CSMD1: variants seen among roughly 807,000 people sequenced by gnomAD.
The protein encoded by CSMD1 is CUB and sushi domain-containing protein 1.
Under a neutral mutation model 417.5 loss-of-function variants are expected in CSMD1, and 213 were observed. That is an observed-to-expected ratio of 0.51 (90% CI 0.46 to 0.57). The LOEUF is 0.57. CSMD1 is among the 20% of genes least tolerant of loss of function. The pLI, the probability that CSMD1 is intolerant of heterozygous loss-of-function variation, is 0.00. For synonymous variants in CSMD1, 2,862 were observed against 1,736.8 expected (o/e 1.65, Z -16.11); for missense variants, 6,923 against 4,529.7 (o/e 1.53, Z -15.17).
intron 23 of CSMD1, among the ~76,000 whole-genome samples, chr8:3,316,742 C>G (rs545840932): frequency 1.4e-4 from 21 of 152,090 alleles, no homozygotes; most frequent in Non-Finnish European, 1.0e-4. Context: ...ACGGGAAAGA[C>G]TGGAAAGGAC....
chr8:3,018,667 T>C lies in CSMD1; in HGVS notation c.7856-17A>G. ...ACGAGATAACTAGAAGGAAAAACAA[T>C]AAAATGAACATCAATTCAGTTATGC... On this transcript the variant is annotated splice_polypyrimidine_tract_variant and intron_variant, in intron 51 of 69. Coordinates refer to ENST00000635120, the MANE Select transcript of CSMD1 (RefSeq NM_033225.6). 2 of 1,602,922 alleles carry C rather than the reference T, an allele frequency of 1.2e-6. No homozygotes were observed. Among genetic ancestry groups the C allele is most frequent in the Non-Finnish European group, 1.7e-6 (2 of 1,173,066 alleles).
chr8:4,572,056 T>C (rs1370874828), intron 2 of CSMD1, among the ~76,000 whole-genome samples: 1 of 152,266 alleles, frequency 6.6e-6, no homozygotes, highest in Non-Finnish European at 1.5e-5. Context: ...CCGATGGGTC[T>C]TGACTCTTTA....
intron 3 of CSMD1, among the ~76,000 whole-genome samples, chr8:4,323,089 G>T (rs1288328854): frequency 6.6e-6 from 1 of 152,056 alleles, no homozygotes; most frequent in African/African-American, 2.4e-5. Flanking sequence ...CGAAGGAATG[G>T]AAAAATCATA....
intron 12 of CSMD1, among the ~76,000 whole-genome samples, chr8:3,429,677 A>C (rs1814091606): frequency 6.6e-6 from 1 of 152,226 alleles, no homozygotes; most frequent in Admixed American, 6.5e-5. Flanking sequence ...GAATATCTGC[A>C]TTTCTTGTGC....
chr8:3,938,806 A>C (rs770471734), intron 5 of CSMD1, among the ~76,000 whole-genome samples: 5 of 152,206 alleles, frequency 3.3e-5, no homozygotes, highest in Non-Finnish European at 7.3e-5. Flanking sequence ...CATTTTCTTC[A>C]GTAAAATATT....
chr8:3,908,655 T>C (rs1033592760), intron 5 of CSMD1, among the ~76,000 whole-genome samples: 1 of 152,202 alleles, frequency 6.6e-6, no homozygotes, highest in African/African-American at 2.4e-5. Flanking sequence ...GTAATTGCTC[T>C]GCAGGGCCTA....
At chr8:4,557,267 T>C (rs2130594413) in intron 2 of CSMD1, among the ~76,000 whole-genome samples, 1 of 152,298 alleles carries the variant, frequency 6.6e-6, no homozygotes, top group South Asian at 2.1e-4. Flanking sequence ...TCTTACAAGC[T>C]AAAGGCATCA....
chr8:3,678,515 C>T (rs1221699979), intron 7 of CSMD1, among the ~76,000 whole-genome samples: 1 of 152,102 alleles, frequency 6.6e-6, no homozygotes, highest in Non-Finnish European at 1.5e-5. Context: ...TGAACAAAGC[C>T]TCCAAGAAAT....
intron 1 of CSMD1, among the ~76,000 whole-genome samples, chr8:4,712,955 T>G (rs974191089): frequency 6.6e-6 from 1 of 152,130 alleles, no homozygotes; most frequent in African/African-American, 2.4e-5. Flanking sequence ...AAAGGAAAAT[T>G]TTCTATAAAG....
intron 10 of CSMD1, among the ~76,000 whole-genome samples, chr8:3,518,036 C>T (rs779800408): frequency 2.0e-5 from 3 of 151,914 alleles, no homozygotes; most frequent in Non-Finnish European, 4.4e-5. Context: ...TTATCTCCCT[C>T]AAGAAGATTT....
rs1271463491 is a variant in CSMD1 at position 3,060,774 on chromosome 8, T to C, written c.7475-8127A>G. 1.6e-4 allele frequency among the ~76,000 whole-genome samples: 24 copies of C among 152,164 alleles called. 1 individual carries two copies. Among genetic ancestry groups the C allele is most frequent in the Admixed American group, 1.6e-3 (24 of 15,276 alleles). On this transcript the variant is annotated intron_variant, in intron 49 of 69. Transcript: ENST00000635120. ...AAGAGGTGGGGCATTTAAAAGGTGA[T>C]CAGGTCATGAGAGCTCTTTCTTTGT...
intron 12 of CSMD1, among the ~76,000 whole-genome samples, chr8:3,448,426 A>AGGAAGGAAGGGAG: frequency 1.0e-5 from 1 of 96,134 alleles, no homozygotes; most frequent in East Asian, 4.1e-4. Context: ...AAGGGAAGGA[A>AGGAAGGAAGGGAG]GAAGGAGCAA....
intron 7 of CSMD1, among the ~76,000 whole-genome samples, chr8:3,695,535 T>A (rs970832962): frequency 7.2e-5 from 11 of 152,178 alleles, no homozygotes; most frequent in Admixed American, 6.5e-4. Context: ...AATAATATAA[T>A]ATTTGCTAAT....
rs1175502979 is a variant in CSMD1 at position 3,200,537 on chromosome 8, AGAGT to A, written c.5099-732_5099-729del. Among the ~76,000 whole-genome samples the A allele has an allele frequency of 2.7e-4, 41 of 151,826 alleles. 1 individual carries two copies. The highest frequency in any genetic ancestry group is 1.5e-5 in the Non-Finnish European group (1 of 67,976). ...GCCACTGCACTCTAGCCTGGGCAAG[AGAGT>A]GAGTGAGACTTTGTCTCAAAAAAAA... On this transcript the variant is annotated intron_variant, in intron 32 of 69. Coordinates refer to ENST00000635120, the MANE Select transcript of CSMD1 (RefSeq NM_033225.6).
chr8:4,753,128 C>G lies in CSMD1; in HGVS notation c.86-115570G>C, dbSNP rs74503534. 2.4e-4 allele frequency among the ~76,000 whole-genome samples: 37 copies of G among 152,104 alleles called. No homozygotes were observed. The East Asian group carries it at 6.4e-3, about 26-fold the overall frequency. On this transcript the variant is annotated intron_variant, in intron 1 of 69. Transcript: ENST00000635120. ...GGAAACATTTTATGGATAAGAAAAGCGAGGCTTAGAAAGCTGAAGTCACTT... is the reference window on the plus strand; with the variant it reads ...GGAAACATTTTATGGATAAGAAAAGGGAGGCTTAGAAAGCTGAAGTCACTT...
chr8:3,911,599 C>T (rs1808474292), intron 5 of CSMD1, among the ~76,000 whole-genome samples: 1 of 151,572 alleles, frequency 6.6e-6, no homozygotes, highest in African/African-American at 2.4e-5. Context: ...TTTATATTTC[C>T]AGTTTCTCTG....
At chr8:4,658,310 T>C (rs1044290664) in intron 1 of CSMD1, among the ~76,000 whole-genome samples, 7 of 152,038 alleles carry the variant, frequency 4.6e-5, no homozygotes, top group Admixed American at 1.3e-4. Flanking sequence ...TTTAATAAAA[T>C]TTTGAAAGAC....
intron 3 of CSMD1, among the ~76,000 whole-genome samples, chr8:4,107,512 A>G (rs145910009): frequency 3.7e-4 from 56 of 152,352 alleles, no homozygotes; most frequent in African/African-American, 1.3e-3. Flanking sequence ...TTCCATGTCT[A>G]CAGCACTAAT....
chr8:4,704,387 G>A (rs1807784641), intron 1 of CSMD1, among the ~76,000 whole-genome samples: 2 of 152,214 alleles, frequency 1.3e-5, no homozygotes, highest in Non-Finnish European at 2.9e-5. Context: ...AAGAATCTCA[G>A]TTGTTTATTT....
Sources: allele counts gnomAD v4.1 joint callset (sites outside exome capture counted in the v4.1 genomes callset), GRCh38; gene constraint gnomAD v4.1.1; transcripts MANE v1.5; gene names NCBI Gene and HGNC (gene_info 2026-07-23, HGNC 2026-07-21).